The following HDAC4 variants were observed in gnomAD, a reference collection of about 807,000 sequenced individuals.
HDAC4 encodes the protein histone deacetylase A.
A neutral mutation model predicts 135.1 loss-of-function variants in HDAC4; 16 were observed. That is an observed-to-expected ratio of 0.12 (90% CI 0.08 to 0.18). HDAC4 has a LOEUF of 0.18. Ranked by LOEUF, HDAC4 falls within the 10% of genes least tolerant of loss-of-function variation. The pLI, the probability that HDAC4 is intolerant of heterozygous loss-of-function variation, is 1.00. For synonymous variants in HDAC4, 685 were observed against 653.4 expected, an observed-to-expected ratio of 1.05 and a Z score of -0.74; for missense variants, 1,143 against 1,511.8, an observed-to-expected ratio of 0.76 and a Z score of 4.05.
At chr2:239,291,751 G>C (rs1006389524) in intron 2 of HDAC4, among the ~76,000 whole-genome samples, 4 of 152,184 alleles carry the variant, frequency 2.6e-5, no homozygotes, top group Non-Finnish European at 4.4e-5. Context: ...CTTCTTATTT[G>C]GTTCTTCTAA....
intron 1 of HDAC4, among the ~76,000 whole-genome samples, chr2:239,385,212 G>A (rs907573511): frequency 6.6e-6 from 1 of 152,194 alleles, no homozygotes; most frequent in Non-Finnish European, 1.5e-5. Flanking sequence ...TCAGCTGAAA[G>A]GTCTCCTCCA....
Position 239,108,038 on chromosome 2 carries a change from G to A in HDAC4, c.2112+12C>T, listed in dbSNP as rs775674774. On this transcript the variant is annotated intron_variant, in intron 15 of 26. Transcript: ENST00000543185. ...AAAGCCGCAGCTGCCCACCTGCCCCGGTCGGCGTTACCTCGCATTTGCCCC... is the reference window on the plus strand; with the variant it reads ...AAAGCCGCAGCTGCCCACCTGCCCCAGTCGGCGTTACCTCGCATTTGCCCC... 14 of 1,610,420 alleles carry A rather than the reference G, an allele frequency of 8.7e-6. No homozygotes were observed. The highest frequency in any genetic ancestry group is 2.7e-5 in the African/African-American group (2 of 74,834).
chr2:239,220,118 C>T (rs1382095224), intron 3 of HDAC4, among the ~76,000 whole-genome samples: 2 of 152,228 alleles, frequency 1.3e-5, no homozygotes, highest in African/African-American at 2.4e-5. Context: ...TCCAAATACA[C>T]ACAGTGTAGA....
At chr2:239,077,278 C>T (rs527309745) in intron 22 of HDAC4, among the ~76,000 whole-genome samples, 115 of 152,378 alleles carry the variant, frequency 7.5e-4, no homozygotes, top group African/African-American at 2.6e-3. Context: ...TCTGTTCCTT[C>T]GGGACGGCCC....
intron 3 of HDAC4, among the ~76,000 whole-genome samples, chr2:239,214,048 T>C (rs1285448525): frequency 6.6e-6 from 1 of 152,228 alleles, no homozygotes; most frequent in Non-Finnish European, 1.5e-5. Flanking sequence ...TTGTGCTTGA[T>C]GTGTGTGACA....
intron 15 of HDAC4, among the ~76,000 whole-genome samples, chr2:239,105,437 CGT>C (rs2038037457): frequency 6.6e-6 from 1 of 152,222 alleles, no homozygotes; most frequent in African/African-American, 2.4e-5. Context: ...CTGCTCAGAA[CGT>C]GTGAGGCAGC....
rs759576339 is a variant in HDAC4, at chr2:239,081,187, G to A, written c.2658C>T (p.Gly886=). ...FPGSGAPDEV[G]TGPGVGFNVN... is the part of the protein sequence containing the mutation. Reference sequence around the variant, plus strand: ...CGTTGAAACCCACGCCGGGCCCTGTGCCCACCTGTGGCCAGAAGGAGAGAA... The same window carrying A: ...CGTTGAAACCCACGCCGGGCCCTGTACCCACCTGTGGCCAGAAGGAGAGAA... Residue 886 remains glycine (G), a synonymous_variant, in exon 22 of 27, where the codon GGC becomes GGT. Transcript: ENST00000543185. The A allele has an allele frequency of 6.2e-7, 1 of 1,612,794 alleles. No individual in the cohort carries two copies. The highest frequency in any genetic ancestry group is 2.2e-5 in the East Asian group (1 of 44,838).
chr2:239,289,567 C>T (rs1249351206), intron 2 of HDAC4, among the ~76,000 whole-genome samples: 1 of 147,956 alleles, frequency 6.8e-6, no homozygotes, highest in East Asian at 2.0e-4. Context: ...AATAAAAAGA[C>T]AGGAGGAGCA....
At chr2:239,339,318 A>G (rs1436383866) in intron 2 of HDAC4, among the ~76,000 whole-genome samples, 1 of 152,210 alleles carries the variant, frequency 6.6e-6, no homozygotes, top group Non-Finnish European at 1.5e-5. Flanking sequence ...ACAGAAGGCA[A>G]AAGTCAAAGC....
chr2:239,324,350 G>T (rs1401399502), intron 2 of HDAC4, among the ~76,000 whole-genome samples: 1 of 152,248 alleles, frequency 6.6e-6, no homozygotes, highest in African/African-American at 2.4e-5. Context: ...TCACCGCACA[G>T]TATCCTGAAC....
chr2:239,099,629 CTGCCCTCTCTGCCGCCCT>C (rs1559424858), intron 16 of HDAC4, among the ~76,000 whole-genome samples: 1 of 152,230 alleles, frequency 6.6e-6, no homozygotes, highest in Non-Finnish European at 1.5e-5. Context: ...AGAAAGCCGC[CTGCCCTCTCTGCCGCCCT>C]TGCCCTCTAG....
Position 239,190,045 on chromosome 2 carries a change from C to A in HDAC4, c.127G>T (p.Ala43Ser). The A allele has an allele frequency of 6.2e-7, 1 of 1,602,916 alleles. No homozygotes were observed. Among genetic ancestry groups the A allele is most frequent in the South Asian group, 1.1e-5 (1 of 91,006 alleles). Residue 43 changes from alanine (A) to serine (S), a missense_variant, in exon 4 of 27, where the codon GCC becomes TCC. Around this residue, in one of 9 missense-constraint regions of HDAC4, gnomAD observed 247 missense variants for 310.0 expected, o/e 0.80. Transcript: ENST00000543185. Reference sequence around the variant, plus strand: ...AGGTCCATGGGCACTGCCGAGGGGGCCACTTGCAGAGGCAGCGCCGTGGCC... The same window carrying A: ...AGGTCCATGGGCACTGCCGAGGGGGACACTTGCAGAGGCAGCGCCGTGGCC... Reference protein sequence around the residue: ...DVATALPLQVAPSAVPMDLRL... With the variant: ...DVATALPLQVSPSAVPMDLRL...
In HDAC4 at chr2:239,100,471, T is replaced by C; in HGVS notation, c.2233+2305A>G. Among the ~76,000 whole-genome samples the C allele has an allele frequency of 1.3e-5, 2 of 152,214 alleles. 1 individual carries two copies. The highest frequency in any genetic ancestry group is 2.9e-5 in the Non-Finnish European group (2 of 68,042). ...TCCACGTTACGTGGATGTGGCATCC[T>C]CTCTGAGGGTGCTAATGGCAGCTGG... On this transcript the variant is annotated intron_variant, in intron 16 of 26. Transcript: ENST00000543185.
intron 3 of HDAC4, among the ~76,000 whole-genome samples, chr2:239,227,325 C>CGTGAG (rs1247964430): frequency 1.3e-5 from 2 of 152,150 alleles, no homozygotes; most frequent in Non-Finnish European, 2.9e-5. Flanking sequence ...GCCAGCTACA[C>CGTGAG]GTGAGGTGTC....
At chr2:239,070,854 A>G (rs948970099) in intron 22 of HDAC4, among the ~76,000 whole-genome samples, 4 of 151,988 alleles carry the variant, frequency 2.6e-5, no homozygotes, top group Non-Finnish European at 5.9e-5. Flanking sequence ...TGCAATGGTG[A>G]CCGCAGCCAT....
intron 3 of HDAC4, among the ~76,000 whole-genome samples, chr2:239,206,803 T>G (rs1055379803): frequency 1.3e-5 from 2 of 152,130 alleles, no homozygotes; most frequent in Non-Finnish European, 2.9e-5. Flanking sequence ...AAAAAAGTGA[T>G]TTTAAACACC....
At chr2:239,335,331 C>T (rs142587716) in intron 2 of HDAC4, among the ~76,000 whole-genome samples, 10 of 150,404 alleles carry the variant, frequency 6.6e-5, no homozygotes, top group African/African-American at 1.2e-4. Flanking sequence ...AATTTCCAAA[C>T]GGAAAAGTAA....
chr2:239,205,693 G>A (rs1318117209), intron 3 of HDAC4, among the ~76,000 whole-genome samples: 1 of 151,568 alleles, frequency 6.6e-6, no homozygotes, highest in African/African-American at 2.4e-5. Context: ...GGAAGAGGAG[G>A]AGGAGGAGGA....
intron 15 of HDAC4, among the ~76,000 whole-genome samples, chr2:239,104,948 C>T (rs904349390): frequency 6.6e-6 from 1 of 152,266 alleles, no homozygotes; most frequent in South Asian, 2.1e-4. Context: ...CTCTGCGACA[C>T]CGCGACGGCT....
Sources: gnomAD v4.1 joint callset for allele counts (sites outside exome capture counted in the v4.1 genomes callset) on GRCh38, gnomAD v4.1.1 for gene constraint, gnomAD v4.1.1 regional missense constraint, MANE v1.5 for transcripts, NCBI Gene and HGNC (gene_info 2026-07-23, HGNC 2026-07-21) for gene names.